The following RSRC1 variants were observed in gnomAD, a reference collection of about 807,000 sequenced individuals.
RSRC1 encodes the protein serine/Arginine-related protein 53.
Under a neutral mutation model 49.1 loss-of-function variants are expected in RSRC1, and 39 were observed. That is an observed-to-expected ratio of 0.79 (90% CI 0.61 to 1.04). RSRC1 has a LOEUF of 1.04. Among genes scored for constraint, RSRC1 ranks in the 50% least tolerant of loss-of-function variants. RSRC1 has a pLI of 0.00. For synonymous variants in RSRC1, 143 were observed against 130.8 expected (o/e 1.09, Z -0.63); for missense variants, 388 against 402.4 (o/e 0.96, Z 0.31).
intron 7 of RSRC1, among the ~76,000 whole-genome samples, chr3:158,468,947 C>T (rs1035883187): frequency 8.6e-5 from 13 of 151,994 alleles, no homozygotes; most frequent in East Asian, 1.9e-4. Flanking sequence ...AATATATAGA[C>T]GAAGAATATA....
At position 158,135,272 on chromosome 3, in the gene RSRC1, AT is replaced by A. The variant is rs10626579; in HGVS notation, c.320+11296del. Among the ~76,000 whole-genome samples the A allele has an allele frequency of 3.7e-3, 532 of 144,282 alleles. 1 individual carries two copies. Among genetic ancestry groups the A allele is most frequent in the Non-Finnish European group, 5.8e-3 (386 of 66,190 alleles). 94.7% of individuals were successfully genotyped at this position (144,282 alleles called of 152,430 possible). ...GTAGTCATTTCCAAATTATAGTGTA[AT>A]TTTTTTTTTTTTTTGAGACAGAATC... On this transcript the variant is annotated intron_variant, in intron 3 of 9. Transcript: ENST00000611884.
chr3:158,516,169 G>A (rs1391761552), intron 7 of RSRC1, among the ~76,000 whole-genome samples: 1 of 152,190 alleles, frequency 6.6e-6, no homozygotes. Flanking sequence ...AGGAGGAGAG[G>A]TGCTCGCTTT....
chr3:158,249,045 T>C (rs1051307849), intron 4 of RSRC1, among the ~76,000 whole-genome samples: 1 of 152,212 alleles, frequency 6.6e-6, no homozygotes, highest in African/African-American at 2.4e-5. Flanking sequence ...TACCTAATAA[T>C]ATTGAGTATC....
rs777256778 is a variant in RSRC1, at chr3:158,122,182, G to T, written c.78G>T (p.Ser26=). ...AGAAACACCGTAGACGGTCCTCCTC[G>T]AGCAGTTCTTCAGATAGTAGAACAT... ...RKKKHRRRSS[S]SSSSDSRTYS... The change falls in exon 2 of 10, where the codon TCG becomes TCT. Residue 26 remains serine, a synonymous_variant. Coordinates refer to ENST00000611884, the MANE Select transcript of RSRC1 (RefSeq NM_001271838.2). The T allele has an allele frequency of 4.4e-6, 7 of 1,603,972 alleles. No homozygotes were observed. Among genetic ancestry groups the T allele is most frequent in the Non-Finnish European group, 6.0e-6 (7 of 1,174,430 alleles).
At chr3:158,212,203 T>C (rs1023519188) in intron 4 of RSRC1, among the ~76,000 whole-genome samples, 2 of 151,900 alleles carry the variant, frequency 1.3e-5, no homozygotes, top group Non-Finnish European at 2.9e-5. Context: ...ATAATACATG[T>C]TTATTTTGAA....
chr3:158,229,447 C>T (rs180676152), intron 4 of RSRC1, among the ~76,000 whole-genome samples: 18 of 149,478 alleles, frequency 1.2e-4, no homozygotes, highest in Admixed American at 8.7e-4. Context: ...CATATACACA[C>T]GTATATGTGT....
At chr3:158,112,055 C>A (rs1398208315) in intron 1 of RSRC1, among the ~76,000 whole-genome samples, 1 of 152,126 alleles carries the variant, frequency 6.6e-6, no homozygotes, top group African/African-American at 2.4e-5. Flanking sequence ...GTGAGTTTTG[C>A]AACCACGAGG....
intron 4 of RSRC1, among the ~76,000 whole-genome samples, chr3:158,292,653 G>A (rs1727006103): frequency 1.3e-5 from 2 of 152,162 alleles, no homozygotes; most frequent in Admixed American, 1.3e-4. Context: ...TATACCATTT[G>A]TTGTAAGATC....
At chr3:158,195,930 G>A (rs371553422) in intron 3 of RSRC1, among the ~76,000 whole-genome samples, 25 of 151,920 alleles carry the variant, frequency 1.6e-4, no homozygotes, top group Non-Finnish European at 3.2e-4. Flanking sequence ...GTCAGGTAGC[G>A]TGATGCCTCC....
chr3:158,140,172 G>A (rs977692477), intron 3 of RSRC1, among the ~76,000 whole-genome samples: 8 of 152,070 alleles, frequency 5.3e-5, no homozygotes, highest in Non-Finnish European at 1.0e-4. Flanking sequence ...AATAATTTGT[G>A]TTCACCCTCT....
At chr3:158,505,775 A>T (rs911486021) in intron 7 of RSRC1, among the ~76,000 whole-genome samples, 1 of 132,782 alleles carries the variant, frequency 7.5e-6, no homozygotes, top group East Asian at 2.3e-4. Context: ...AGATAGATGA[A>T]AGGGAGAAAG....
chr3:158,206,804 C>T (rs1026729523), intron 4 of RSRC1, among the ~76,000 whole-genome samples: 8 of 152,098 alleles, frequency 5.3e-5, no homozygotes, highest in Non-Finnish European at 1.2e-4. Flanking sequence ...ATCCCAGCTA[C>T]TTGGGAGGCT....
At chr3:158,137,655 C>CT (rs11388972) in intron 3 of RSRC1, among the ~76,000 whole-genome samples, 86,666 of 138,390 alleles carry the variant, frequency 0.63, 27,294 homozygotes, top group East Asian at 0.74. Context: ...TTTTCTTTTT[C>CT]TTTTTTTTTT....
intron 6 of RSRC1, among the ~76,000 whole-genome samples, chr3:158,396,099 C>A (rs1346780682): frequency 6.6e-6 from 1 of 152,120 alleles, no homozygotes; most frequent in African/African-American, 2.4e-5. Context: ...AAACCAAATG[C>A]TGCGTGTCCT....
chr3:158,183,557 A>T (rs2686542), intron 3 of RSRC1, among the ~76,000 whole-genome samples: 148,395 of 152,208 alleles, frequency 0.97, 72,368 homozygotes, highest in East Asian at 1. Context: ...AGAAAGGACC[A>T]CTAAAAAAAG....
Position 158,399,123 on chromosome 3 carries a change from C to CTTTTTTTTTT in RSRC1, c.583+44255_583+44264dup, listed in dbSNP as rs1161504489. 6.6e-5 allele frequency among the ~76,000 whole-genome samples: 2 copies of CTTTTTTTTTT among 30,108 alleles called. 1 individual carries two copies. The highest frequency in any genetic ancestry group is 1.3e-4 in the Non-Finnish European group (2 of 14,906). The allele number at this position is 30,108 out of a possible 152,430, so 19.8% of individuals were successfully genotyped here. A position where few individuals can be genotyped will look rare whatever the true frequency, so the allele number is the denominator to read the frequency against. On this transcript the variant is annotated intron_variant, in intron 6 of 9. Transcript: ENST00000611884. ...GTCTTATAAGAAATACTATTATTTCCTTTTTTTTTTTTTTTTTTTTTTTTT... is the reference window on the plus strand; with the variant it reads ...GTCTTATAAGAAATACTATTATTTCCTTTTTTTTTTTTTTTTTTTTTTTTTTTTTTTTTTT...
chr3:158,440,388 A>AT (rs1736317113), intron 6 of RSRC1, among the ~76,000 whole-genome samples: 1 of 152,070 alleles, frequency 6.6e-6, no homozygotes, highest in African/African-American at 2.4e-5. Context: ...TTCCAAGTCA[A>AT]TACCTCTGAG....
rs529038679 is a variant in RSRC1 at position 158,139,269 on chromosome 3, C to T, written c.320+15278C>T. Among the ~76,000 whole-genome samples the T allele has an allele frequency of 4.3e-4, 65 of 152,028 alleles. No individual in the cohort carries two copies. The Middle Eastern group carries it at 0.01, about 24-fold the overall frequency. ...TACAAAAATTAGCTGGGCCTGGTGA[C>T]GGGTGCCTGTAATCCCAGCTACTCA... On this transcript the variant is annotated intron_variant, in intron 3 of 9. Transcript: ENST00000611884.
intron 4 of RSRC1, among the ~76,000 whole-genome samples, chr3:158,205,835 C>G (rs966055266): frequency 6.6e-6 from 1 of 152,036 alleles, no homozygotes; most frequent in Non-Finnish European, 1.5e-5. Context: ...AAAAAAATCA[C>G]AAAAATCTCA....
Sources: gnomAD v4.1 joint callset for allele counts (sites outside exome capture counted in the v4.1 genomes callset) on GRCh38, gnomAD v4.1.1 for gene constraint, MANE v1.5 for transcripts, NCBI Gene and HGNC (gene_info 2026-07-23, HGNC 2026-07-21) for gene names.